The following VAV1 variants were observed in gnomAD, a reference collection of about 807,000 sequenced individuals.
The protein encoded by VAV1 is proto-oncogene vav.
A neutral mutation model predicts 128.1 loss-of-function variants in VAV1; 33 were observed. That is an observed-to-expected ratio of 0.26 (90% confidence interval 0.20 to 0.34). The LOEUF is 0.34. VAV1 is among the 10% of genes least tolerant of loss of function. VAV1 has a pLI of 1.00. For missense variants in VAV1, 715 were observed against 1,093.7 expected (o/e 0.65, Z 4.88); for synonymous variants, 394 against 409.8 (o/e 0.96, Z 0.47).
chr19:6,782,535 T>C (rs1308524968), intron 1 of VAV1, among the ~76,000 whole-genome samples: 1 of 152,122 alleles, frequency 6.6e-6, no homozygotes, highest in Non-Finnish European at 1.5e-5. Flanking sequence ...CCCAGCTGCC[T>C]GTAGGCAATG....
intron 22 of VAV1, among the ~76,000 whole-genome samples, chr19:6,845,801 A>G (rs1298642974): frequency 1.4e-5 from 2 of 147,932 alleles, no homozygotes; most frequent in African/African-American, 4.9e-5. Flanking sequence ...ATAATATATA[A>G]CTAATATTTA....
intron 1 of VAV1, among the ~76,000 whole-genome samples, chr19:6,801,662 C>G (rs899571122): frequency 3.3e-5 from 5 of 152,080 alleles, no homozygotes; most frequent in Non-Finnish European, 5.9e-5. Flanking sequence ...GCCCTGGTAA[C>G]AGGCATTTCC....
At chr19:6,838,305 A>G (rs1972276694) in intron 21 of VAV1, among the ~76,000 whole-genome samples, 1 of 148,190 alleles carries the variant, frequency 6.7e-6, no homozygotes, top group African/African-American at 2.5e-5. Context: ...TTATCTATCT[A>G]TCTATCTATC....
At chr19:6,796,302 T>TC (rs1184411914) in intron 1 of VAV1, among the ~76,000 whole-genome samples, 1 of 151,988 alleles carries the variant, frequency 6.6e-6, no homozygotes, top group Non-Finnish European at 1.5e-5. Context: ...CATTTATTTG[T>TC]CCTTCTTTAT....
intron 1 of VAV1, among the ~76,000 whole-genome samples, chr19:6,780,229 T>C (rs1233125299): frequency 6.7e-6 from 1 of 150,318 alleles, no homozygotes; most frequent in African/African-American, 2.4e-5. Context: ...CCTCTCTGTT[T>C]CCTGGTTTCT....
intron 1 of VAV1, among the ~76,000 whole-genome samples, chr19:6,776,077 TATCCATCCATCCATCCATCCATCC>T (rs56806852): frequency 2.3e-5 from 3 of 129,144 alleles, no homozygotes; most frequent in African/African-American, 6.0e-5. Flanking sequence ...TCCATCCATT[TATCCATCCATCCATCCATCCATCC>T]ATCCATCCAT....
At chr19:6,825,491 C>A in intron 8 of VAV1, 85 bp downstream of exon 8, 1 of 1,195,416 alleles carries the variant, frequency 8.4e-7, no homozygotes, top group Non-Finnish European at 1.2e-6. Flanking sequence ...CCCTCAGACA[C>A]CACTGGACGG....
At chr19:6,796,648 C>T (rs1367196365) in intron 1 of VAV1, among the ~76,000 whole-genome samples, 1 of 152,138 alleles carries the variant, frequency 6.6e-6, no homozygotes, top group Non-Finnish European at 1.5e-5. Context: ...TGGATTGTCC[C>T]CTCACCTCCT....
At chr19:6,803,498 T>A (rs1971318014) in intron 1 of VAV1, among the ~76,000 whole-genome samples, 1 of 152,138 alleles carries the variant, frequency 6.6e-6, no homozygotes, top group Non-Finnish European at 1.5e-5. Flanking sequence ...GAGCCCCACC[T>A]CCAGAGTCAA....
At chr19:6,791,345 A>T (rs1038975941) in intron 1 of VAV1, among the ~76,000 whole-genome samples, 5 of 152,170 alleles carry the variant, frequency 3.3e-5, no homozygotes, top group African/African-American at 1.2e-4. Flanking sequence ...TCCTTGAGAT[A>T]ACTCCTCATT....
chr19:6,789,061 C>G (rs1319651215), intron 1 of VAV1, among the ~76,000 whole-genome samples: 1 of 152,172 alleles, frequency 6.6e-6, no homozygotes, highest in East Asian at 1.9e-4. Context: ...CTCAGTATCT[C>G]CAGACATTGC....
intron 1 of VAV1, among the ~76,000 whole-genome samples, chr19:6,805,299 C>T (rs891377661): frequency 1.3e-5 from 2 of 151,700 alleles, no homozygotes; most frequent in Admixed American, 6.6e-5. Flanking sequence ...GTGGCACACA[C>T]CTGTGATCCC....
intron 1 of VAV1, among the ~76,000 whole-genome samples, chr19:6,802,414 G>T (rs947985958): frequency 1.3e-5 from 2 of 152,134 alleles, no homozygotes; most frequent in African/African-American, 4.8e-5. Context: ...CGACCAGGAA[G>T]TCCTTTCTGG....
chr19:6,786,349 C>T (rs1970893665), intron 1 of VAV1, among the ~76,000 whole-genome samples: 2 of 152,160 alleles, frequency 1.3e-5, no homozygotes, highest in Admixed American at 1.3e-4. Context: ...GTAGTCCCAG[C>T]TACCCGGGAG....
rs188416416 is a variant in VAV1, at chr19:6,799,118, G to A, written c.205-21584G>A. Among the ~76,000 whole-genome samples, 7 of 152,144 alleles carry A rather than the reference G, an allele frequency of 4.6e-5. No individual in the cohort carries two copies. In the East Asian group the frequency reaches 1.4e-3, roughly 29 times the overall value. ...CAGTGTACCATTCTGTTGTACGGAT[G>A]CACCCCAGTTTGTTTATCCATTCAT... On this transcript the variant is annotated intron_variant, in intron 1 of 26. Coordinates refer to ENST00000602142, the MANE Select transcript of VAV1 (RefSeq NM_005428.4).
In VAV1 at chr19:6,803,594, T is replaced by C. The variant is rs1032991282; in HGVS notation, c.205-17108T>C. Among the ~76,000 whole-genome samples, 3 of 152,292 alleles carry C rather than the reference T, an allele frequency of 2.0e-5. No individual in the cohort carries two copies. In the South Asian group the frequency reaches 6.2e-4, roughly 32 times the overall value. On this transcript the variant is annotated intron_variant, in intron 1 of 26. Coordinates refer to ENST00000602142, the MANE Select transcript of VAV1 (RefSeq NM_005428.4). ...ATTATTATTATTAGAGATGGACTTT[T>C]GCCCTTGTTGTCCAGGCTAGAGTGC...
rs1465054988 is a variant in VAV1 at position 6,779,103 on chromosome 19, G to A, written c.204+6092G>A. Among the ~76,000 whole-genome samples the A allele has an allele frequency of 2.1e-5, 3 of 146,054 alleles. 1 individual carries two copies. The highest frequency in any genetic ancestry group is 1.9e-4 in the East Asian group (1 of 5,182). On this transcript the variant is annotated intron_variant, in intron 1 of 26. Coordinates refer to ENST00000602142, the MANE Select transcript of VAV1 (RefSeq NM_005428.4). Reference sequence around the variant, plus strand: ...GTCTCAATCTGTCACCCAAGCTGGAGTATAGTGGTATGATCACAGCTCACT... The same window carrying A: ...GTCTCAATCTGTCACCCAAGCTGGAATATAGTGGTATGATCACAGCTCACT...
rs939885564 is a variant in VAV1, at chr19:6,794,065, C to T, written c.204+21054C>T. Among the ~76,000 whole-genome samples, 27 of 144,916 alleles carry T rather than the reference C, an allele frequency of 1.9e-4. 4 individuals are homozygous for T. Among genetic ancestry groups the T allele is most frequent in the East Asian group, 5.9e-4 (3 of 5,064 alleles). Reference sequence around the variant, plus strand: ...AATGATTTATTTACCAATAAACCAACGGTAAATGATTTATTTACCAATAAA... The same window carrying T: ...AATGATTTATTTACCAATAAACCAATGGTAAATGATTTATTTACCAATAAA... On this transcript the variant is annotated intron_variant, in intron 1 of 26. Coordinates refer to ENST00000602142, the MANE Select transcript of VAV1 (RefSeq NM_005428.4).
rs892732661 is a variant in VAV1 at position 6,779,449 on chromosome 19, G to A, written c.204+6438G>A. On this transcript the variant is annotated intron_variant, in intron 1 of 26. Transcript: ENST00000602142. ...GCTTTCCTCACTAATCACCTTGGCA[G>A]TCTTTCCAAGTCAGTCTGTAGAGAT... Among the ~76,000 whole-genome samples, 3 of 151,264 alleles carry A rather than the reference G, an allele frequency of 2.0e-5. No individual in the cohort carries two copies. In the East Asian group the frequency reaches 5.8e-4, roughly 29 times the overall value.
Sources: allele counts gnomAD v4.1 joint callset (sites outside exome capture counted in the v4.1 genomes callset), GRCh38; gene constraint gnomAD v4.1.1; transcripts MANE v1.5; gene names NCBI Gene and HGNC (gene_info 2026-07-23, HGNC 2026-07-21).